The following DAB1 variants were observed in gnomAD, a reference collection of about 807,000 sequenced individuals.
The protein encoded by DAB1 is disabled homolog 1.
In DAB1, 15 loss-of-function variants were observed where a neutral mutation model predicts 64.6. The observed-to-expected ratio is 0.23, with a 90% CI of 0.16 to 0.36. The LOEUF (loss-of-function observed/expected upper bound fraction) is 0.36, where lower values mean the gene tolerates loss of function less well. Among genes scored for constraint, DAB1 ranks in the 10% least tolerant of loss-of-function variants. DAB1 has a pLI of 1.00. For missense variants in DAB1, 596 were observed against 706.7 expected (o/e 0.84, Z 1.78); for synonymous variants, 235 against 251.9 (o/e 0.93, Z 0.64).
intron 5 of DAB1, among the ~76,000 whole-genome samples, chr1:57,929,602 C>G (rs1174197444): frequency 2.6e-5 from 4 of 152,138 alleles, no homozygotes; most frequent in African/African-American, 9.7e-5. Context: ...ATATCTGAGT[C>G]TGGGTAATTT....
intron 3 of DAB1, among the ~76,000 whole-genome samples, chr1:58,494,355 T>G (rs1200801440): frequency 6.6e-6 from 1 of 151,804 alleles, no homozygotes; most frequent in Non-Finnish European, 1.5e-5. Context: ...GACATAGGCA[T>G]GGGCAAGGAC....
chr1:57,170,806 G>T (rs1661676179), intron 2 of DAB1, among the ~76,000 whole-genome samples: 1 of 152,144 alleles, frequency 6.6e-6, no homozygotes, highest in Non-Finnish European at 1.5e-5. Flanking sequence ...TTTTGGAGGG[G>T]TCAGGGGTTG....
chr1:58,416,021 CT>C (rs900523718), intron 3 of DAB1, among the ~76,000 whole-genome samples: 2 of 152,192 alleles, frequency 1.3e-5, no homozygotes, highest in Non-Finnish European at 2.9e-5. Context: ...GCAATACCTT[CT>C]ATTACCTTCT....
chr1:58,473,772 G>A (rs2100335305), intron 3 of DAB1: 2 of 533,440 alleles, frequency 3.7e-6, no homozygotes, highest in Non-Finnish European at 6.7e-6. Context: ...CCCATCTCCA[G>A]AACAGTCTGA....
chr1:57,897,101 AG>A (rs1312607104), intron 5 of DAB1, among the ~76,000 whole-genome samples: 3 of 152,210 alleles, frequency 2.0e-5, no homozygotes, highest in Admixed American at 6.5e-5. Context: ...CTGTAAAAAA[AG>A]TATTGTTCTA....
At chr1:58,285,976 C>A (rs1478648607) in intron 4 of DAB1, among the ~76,000 whole-genome samples, 1 of 152,090 alleles carries the variant, frequency 6.6e-6, no homozygotes, top group African/African-American at 2.4e-5. Flanking sequence ...ACATGTAGAC[C>A]AATGGAACAG....
intron 3 of DAB1, among the ~76,000 whole-genome samples, chr1:58,348,798 G>C (rs1033024615): frequency 6.6e-6 from 1 of 152,158 alleles, no homozygotes; most frequent in Non-Finnish European, 1.5e-5. Context: ...AATAAATGAA[G>C]TCTTTGGCAT....
intron 7 of DAB1, among the ~76,000 whole-genome samples, chr1:57,559,344 T>A (rs1645025259): frequency 6.6e-6 from 1 of 152,146 alleles, no homozygotes; most frequent in African/African-American, 2.4e-5. Flanking sequence ...GTTTATAGAC[T>A]CAGAACCCCT....
chr1:57,774,171 A>G (rs1210134952), intron 6 of DAB1, among the ~76,000 whole-genome samples: 1 of 151,896 alleles, frequency 6.6e-6, no homozygotes, highest in Non-Finnish European at 1.5e-5. Context: ...TTAAAATTTC[A>G]GCAATATTTT....
chr1:57,187,662 G>A (rs1279127199), intron 2 of DAB1, among the ~76,000 whole-genome samples: 1 of 152,152 alleles, frequency 6.6e-6, no homozygotes, highest in Non-Finnish European at 1.5e-5. Flanking sequence ...TTATATAAAT[G>A]TTCTTATCTA....
intron 7 of DAB1, among the ~76,000 whole-genome samples, chr1:57,499,847 C>T (rs114006690): frequency 0.011 from 1,740 of 152,284 alleles, 24 homozygotes; most frequent in African/African-American, 0.039. Flanking sequence ...ATTTTGTTCA[C>T]GTCCACCTAC....
chr1:57,079,545 C>A (rs1652292786), intron 4 of DAB1, among the ~76,000 whole-genome samples: 1 of 152,182 alleles, frequency 6.6e-6, no homozygotes, highest in African/African-American at 2.4e-5. Context: ...TCTGATACAT[C>A]TTTCTAGTAC....
At chr1:58,139,276 C>T (rs1654143895) in intron 5 of DAB1, among the ~76,000 whole-genome samples, 1 of 152,220 alleles carries the variant, frequency 6.6e-6, no homozygotes, top group Admixed American at 6.5e-5. Context: ...GGTTCTGCCA[C>T]CCATGATGTT....
At chr1:58,046,474 T>C (rs536221117) in intron 5 of DAB1, among the ~76,000 whole-genome samples, 122 of 152,206 alleles carry the variant, frequency 8.0e-4, no homozygotes, top group Non-Finnish European at 1.6e-3. Context: ...GATTTTTTTT[T>C]CGAAGGTAGG....
chr1:57,033,308 G>A lies in DAB1; in HGVS notation c.724-7265C>T, dbSNP rs373966415. On this transcript the variant is annotated intron_variant, in intron 9 of 14. Coordinates refer to ENST00000371236, the MANE Select transcript of DAB1 (RefSeq NM_001365792.1). Reference sequence around the variant, plus strand: ...GCAGGGCAGGAAATCTGCCATTCATGCAAGCTGGATGAAGAGAATATGGAA... The same window carrying A: ...GCAGGGCAGGAAATCTGCCATTCATACAAGCTGGATGAAGAGAATATGGAA... 2,462 of 1,470,072 alleles carry A rather than the reference G, an allele frequency of 1.7e-3. 53 individuals carry two copies. The South Asian group carries it at 0.026, about 16-fold the overall frequency. 91.1% of individuals were successfully genotyped at this position (1,470,072 alleles called of 1,614,324 possible). A position where few individuals can be genotyped will look rare whatever the true frequency, so the allele number is the denominator to read the frequency against.
chr1:58,479,727 A>G (rs1645454233), intron 3 of DAB1, among the ~76,000 whole-genome samples: 1 of 152,220 alleles, frequency 6.6e-6, no homozygotes, highest in South Asian at 2.1e-4. Flanking sequence ...TTGATAGCTT[A>G]GTCTTAGATA....
chr1:58,146,654 C>A (rs531660153), intron 5 of DAB1, among the ~76,000 whole-genome samples: 1 of 152,234 alleles, frequency 6.6e-6, no homozygotes, highest in African/African-American at 2.4e-5. Flanking sequence ...CCTCCAAGTT[C>A]ACCTATGTTG....
intron 2 of DAB1, among the ~76,000 whole-genome samples, chr1:57,208,760 C>T (rs1414084745): frequency 2.0e-5 from 3 of 152,120 alleles, no homozygotes; most frequent in Admixed American, 6.5e-5. Flanking sequence ...TAATTTTCAT[C>T]CCCATTTTGT....
At chr1:57,294,356 AC>A (rs1458490842) in intron 1 of DAB1, among the ~76,000 whole-genome samples, 2 of 152,174 alleles carry the variant, frequency 1.3e-5, no homozygotes, top group Non-Finnish European at 2.9e-5. Flanking sequence ...GTAACATTCC[AC>A]TACAGACATT....
Sources: gnomAD v4.1 joint callset for allele counts (sites outside exome capture counted in the v4.1 genomes callset) on GRCh38, gnomAD v4.1.1 for gene constraint, MANE v1.5 for transcripts, NCBI Gene and HGNC (gene_info 2026-07-23, HGNC 2026-07-21) for gene names.